The following SAMD3 variants were observed in gnomAD, a reference collection of about 807,000 sequenced individuals.
SAMD3 encodes sterile alpha motif domain containing 3, also known as sterile alpha motif domain-containing protein 3.
In SAMD3, 63 loss-of-function variants were observed where a neutral mutation model predicts 58.5. The ratio of observed to expected loss-of-function variants is 1.08; its 90% CI spans 0.88 to 1.33. SAMD3 has a LOEUF of 1.33. Among genes scored for constraint, SAMD3 ranks in the 40% most tolerant of loss-of-function variants. The probability of loss-of-function intolerance (pLI) is 0.00; values close to 1 mark genes in which losing one functional copy is unlikely to be tolerated. For missense variants in SAMD3, 604 were observed against 608.4 expected (o/e 0.99, Z 0.08); for synonymous variants, 220 against 210.3 (o/e 1.05, Z -0.40).
intron 2 of SAMD3, among the ~76,000 whole-genome samples, chr6:130,299,190 A>G (rs990724905): frequency 1.3e-5 from 2 of 152,188 alleles, no homozygotes; most frequent in African/African-American, 2.4e-5. Flanking sequence ...AAAATTCTCT[A>G]AAATTGACCA....
chr6:130,328,962 G>A (rs1015848923), intron 1 of SAMD3, among the ~76,000 whole-genome samples: 2 of 152,284 alleles, frequency 1.3e-5, no homozygotes, highest in East Asian at 1.9e-4. Flanking sequence ...AGAGGGAAAC[G>A]AGAATATAAG....
chr6:130,362,860 G>A (rs1583158415), intron 1 of SAMD3, among the ~76,000 whole-genome samples: 1 of 152,100 alleles, frequency 6.6e-6, no homozygotes, highest in African/African-American at 2.4e-5. Context: ...TGAACTATTA[G>A]TCAATTGCAC....
chr6:130,280,761 T>G (rs908670103), intron 2 of SAMD3, among the ~76,000 whole-genome samples: 1 of 152,218 alleles, frequency 6.6e-6, no homozygotes, highest in Non-Finnish European at 1.5e-5. Flanking sequence ...AGTCTTTATC[T>G]TCTTGCCTTC....
In SAMD3 at chr6:130,244,596, C is replaced by T. The variant is rs565581993; in HGVS notation, c.-187-21783G>A. 4.5e-4 allele frequency among the ~76,000 whole-genome samples: 68 copies of T among 151,908 alleles called. 1 individual carries two copies. In the South Asian group the frequency reaches 5.4e-3, roughly 12 times the overall value. ...CTCTACTAAAAATACAAAAATTAGC[C>T]GGGTGTGGTGCTGTGCACCTGCAAT... On this transcript the variant is annotated intron_variant, in intron 2 of 13. Transcript: ENST00000368134.
chr6:130,183,691 C>T lies in SAMD3; in HGVS notation c.654+412G>A, dbSNP rs139036773. Among the ~76,000 whole-genome samples, 14 of 152,312 alleles carry T rather than the reference C, an allele frequency of 9.2e-5. No homozygotes were observed. In the East Asian group the frequency reaches 2.7e-3, roughly 29 times the overall value. ...GGCCACCCTCAGCCCTAGGCAACTC[C>T]TGATCAGCTCTGTTGCACTGAGCTT... On this transcript the variant is annotated intron_variant, in intron 7 of 11. Transcript: ENST00000439090.
At chr6:130,292,493 G>T (rs977937423) in intron 2 of SAMD3, among the ~76,000 whole-genome samples, 3 of 151,662 alleles carry the variant, frequency 2.0e-5, no homozygotes, top group Non-Finnish European at 4.4e-5. Flanking sequence ...CACCCTGTTG[G>T]CCGGGCTGGT....
intron 2 of SAMD3, among the ~76,000 whole-genome samples, chr6:130,259,879 A>T (rs1181648221): frequency 2.0e-5 from 3 of 151,580 alleles, no homozygotes; most frequent in African/African-American, 7.3e-5. Flanking sequence ...AAATTGTTCA[A>T]TTTTTTTTTG....
At chr6:130,271,450 T>C (rs1233888755) in intron 2 of SAMD3, among the ~76,000 whole-genome samples, 1 of 152,246 alleles carries the variant, frequency 6.6e-6, no homozygotes, top group Non-Finnish European at 1.5e-5. Flanking sequence ...AATGAGCATC[T>C]TTTCTTACCT....
At chr6:130,363,828 T>C (rs569457762) in intron 1 of SAMD3, among the ~76,000 whole-genome samples, 24 of 152,344 alleles carry the variant, frequency 1.6e-4, no homozygotes, top group Non-Finnish European at 3.1e-4. Flanking sequence ...TGAAGTGCAG[T>C]GCTACTTGAT....
intron 1 of SAMD3, among the ~76,000 whole-genome samples, chr6:130,220,339 G>T (rs1796168813): frequency 6.6e-6 from 1 of 152,130 alleles, no homozygotes; most frequent in Non-Finnish European, 1.5e-5. Context: ...CCACTTATCT[G>T]GGAGGTTTAG....
chr6:130,363,959 G>A (rs1322760308), intron 1 of SAMD3, among the ~76,000 whole-genome samples: 4 of 152,166 alleles, frequency 2.6e-5, no homozygotes, highest in Admixed American at 2.6e-4. Flanking sequence ...TTGGCCATTA[G>A]TAAGGATAAA....
intron 2 of SAMD3, among the ~76,000 whole-genome samples, chr6:130,267,305 C>T (rs963836969): frequency 3.7e-4 from 56 of 152,170 alleles, no homozygotes; most frequent in African/African-American, 1.3e-3. Context: ...GTAATAGGAA[C>T]CTGCTTACTG....
At chr6:130,288,830 A>T (rs1158081672) in intron 2 of SAMD3, among the ~76,000 whole-genome samples, 1 of 152,232 alleles carries the variant, frequency 6.6e-6, no homozygotes, top group Non-Finnish European at 1.5e-5. Flanking sequence ...GTTGGTGATT[A>T]CAGTCTTATG....
At chr6:130,146,694 G>A (rs1308556434) in intron 9 of SAMD3, among the ~76,000 whole-genome samples, 3 of 152,112 alleles carry the variant, frequency 2.0e-5, no homozygotes, top group Non-Finnish European at 4.4e-5. Context: ...ACGATATATG[G>A]CTGGGCACGG....
chr6:130,296,104 TG>T (rs1056583012), intron 2 of SAMD3, among the ~76,000 whole-genome samples: 2 of 152,166 alleles, frequency 1.3e-5, no homozygotes, highest in Non-Finnish European at 2.9e-5. Flanking sequence ...CGGGGTCCCA[TG>T]GGGGACCATG....
rs1481134085 is a variant in SAMD3, at chr6:130,184,565, C to T, written c.442G>A (p.Val148Ile). 1.2e-6 allele frequency: 2 copies of T among 1,614,160 alleles called. No homozygotes were observed. Among genetic ancestry groups the T allele is most frequent in the Non-Finnish European group, 8.5e-7 (1 of 1,179,998 alleles). ...SKALQWTKSY[V>I]LPEFPYDVKC... ...ACATCATAGGGAAACTCTGGTAAAACATAGGACTTCGTCCACTGTAATGCT... is the reference window on the plus strand; with the variant it reads ...ACATCATAGGGAAACTCTGGTAAAATATAGGACTTCGTCCACTGTAATGCT... The change falls in exon 6 of 12, where the codon GTT becomes ATT. Residue 148 changes from valine (V) to isoleucine (I), a missense_variant. Physicochemically the swap from Val to Ile is conservative, Grantham distance 29 (BLOSUM62 3). Transcript: ENST00000439090.
At chr6:130,267,722 C>G (rs1258177365) in intron 2 of SAMD3, among the ~76,000 whole-genome samples, 1 of 152,190 alleles carries the variant, frequency 6.6e-6, no homozygotes, top group Non-Finnish European at 1.5e-5. Flanking sequence ...AGATTCCAGA[C>G]ATTGTATAGA....
chr6:130,267,841 G>A (rs549019310), intron 2 of SAMD3, among the ~76,000 whole-genome samples: 47 of 152,276 alleles, frequency 3.1e-4, no homozygotes, highest in African/African-American at 1.1e-3. Context: ...CCTCTCACAT[G>A]GAGCCCCATA....
chr6:130,294,169 A>G (rs1220895827), intron 2 of SAMD3, among the ~76,000 whole-genome samples: 3 of 152,230 alleles, frequency 2.0e-5, no homozygotes, highest in Non-Finnish European at 2.9e-5. Flanking sequence ...TATTTTTAAA[A>G]GGAGACTGCT....
Sources: allele counts gnomAD v4.1 joint callset (sites outside exome capture counted in the v4.1 genomes callset), GRCh38; gene constraint gnomAD v4.1.1; transcripts MANE v1.5; gene names NCBI Gene and HGNC (gene_info 2026-07-23, HGNC 2026-07-21).